Variants in GPC5 observed in about 807,000 individuals in gnomAD.
GPC5 encodes glypican 5.
A neutral mutation model predicts 53.9 loss-of-function variants in GPC5; 47 were observed. The observed-to-expected ratio is 0.87, with a 90% CI of 0.69 to 1.11. The LOEUF (loss-of-function observed/expected upper bound fraction) is 1.11. Among genes scored for constraint, GPC5 ranks in the 50% most tolerant of loss-of-function variants. GPC5 has a pLI of 0.00. For synonymous variants in GPC5, 286 were observed against 263.3 expected (o/e 1.09, Z -0.84); for missense variants, 748 against 713.1 (o/e 1.05, Z -0.56).
chr13:92,614,114 C>T (rs1884599834), intron 7 of GPC5, among the ~76,000 whole-genome samples: 1 of 152,092 alleles, frequency 6.6e-6, no homozygotes, highest in South Asian at 2.1e-4. Context: ...TGAATCTCCA[C>T]CCTATCAACT....
At chr13:92,028,145 C>T (rs778553515) in intron 6 of GPC5, among the ~76,000 whole-genome samples, 8 of 152,008 alleles carry the variant, frequency 5.3e-5, no homozygotes, top group East Asian at 3.9e-4. Flanking sequence ...ATTTCAAAAC[C>T]GAACATTATA....
intron 7 of GPC5, among the ~76,000 whole-genome samples, chr13:92,524,321 G>T (rs529937657): frequency 6.6e-6 from 1 of 152,092 alleles, no homozygotes; most frequent in East Asian, 1.9e-4. Context: ...CACTTTCTTT[G>T]TTCATCTCTA....
chr13:91,435,593 T>C (rs965360739), intron 1 of GPC5, among the ~76,000 whole-genome samples: 3 of 152,202 alleles, frequency 2.0e-5, no homozygotes, highest in African/African-American at 7.2e-5. Flanking sequence ...TTTGCCAGTA[T>C]TTTATTGAGG....
At chr13:92,072,786 G>T (rs146655253) in intron 6 of GPC5, among the ~76,000 whole-genome samples, 1 of 151,466 alleles carries the variant, frequency 6.6e-6, no homozygotes, top group African/African-American at 2.4e-5. Context: ...GGCCAGGCTG[G>T]TCTTGAATTC....
chr13:92,527,676 C>A (rs1881415216), intron 7 of GPC5, among the ~76,000 whole-genome samples: 1 of 152,108 alleles, frequency 6.6e-6, no homozygotes. Context: ...GCTGCTATCT[C>A]AATATCAGTA....
At chr13:91,892,385 T>G (rs1055997146) in intron 5 of GPC5, among the ~76,000 whole-genome samples, 1 of 151,794 alleles carries the variant, frequency 6.6e-6, no homozygotes, top group Non-Finnish European at 1.5e-5. Context: ...TTCCAAATTT[T>G]TATTTAGAAA....
intron 2 of GPC5, among the ~76,000 whole-genome samples, chr13:91,495,321 T>G (rs889723467): frequency 1.3e-5 from 2 of 152,220 alleles, no homozygotes; most frequent in Non-Finnish European, 2.9e-5. Context: ...TTTCTGTCCT[T>G]GCCTCTGCAG....
chr13:92,497,213 T>A (rs557777900), intron 7 of GPC5, among the ~76,000 whole-genome samples: 1 of 152,330 alleles, frequency 6.6e-6, no homozygotes, highest in South Asian at 2.1e-4. Flanking sequence ...GCCTGGGTTT[T>A]CTTCTAGGGT....
intron 7 of GPC5, among the ~76,000 whole-genome samples, chr13:92,542,906 T>G (rs1881975920): frequency 6.6e-6 from 1 of 152,070 alleles, no homozygotes; most frequent in Non-Finnish European, 1.5e-5. Context: ...CTTGCTGTTT[T>G]TAGAATTCTC....
rs939624207 is a variant in GPC5, at chr13:92,369,035, A to G, written c.1561+224046A>G. Among the ~76,000 whole-genome samples the G allele has an allele frequency of 5.3e-5, 8 of 152,220 alleles. No individual in the cohort carries two copies. In the South Asian group the frequency reaches 1.2e-3, roughly 24 times the overall value. On this transcript the variant is annotated intron_variant, in intron 7 of 7. Transcript: ENST00000377067. ...GTCAAGGTAATGTTTGGATGTATTC[A>G]TTCACAAAAGAAATTCGTTCACAAT...
At chr13:91,500,561 C>T (rs555450797) in intron 2 of GPC5, among the ~76,000 whole-genome samples, 3 of 152,138 alleles carry the variant, frequency 2.0e-5, no homozygotes, top group Non-Finnish European at 4.4e-5. Context: ...TTTTGTGTAG[C>T]TCATTTCCTG....
intron 7 of GPC5, among the ~76,000 whole-genome samples, chr13:92,604,018 C>T (rs555495583): frequency 8.2e-4 from 124 of 152,144 alleles, no homozygotes; most frequent in African/African-American, 2.8e-3. Flanking sequence ...CCTACGTGCT[C>T]AAAAAGAAGA....
intron 7 of GPC5, among the ~76,000 whole-genome samples, chr13:92,562,864 C>A (rs551063377): frequency 6.6e-6 from 1 of 151,998 alleles, no homozygotes; most frequent in East Asian, 1.9e-4. Context: ...CTGGTGATTG[C>A]TTTTTTTGTG....
At chr13:91,845,120 A>T (rs992808455) in intron 5 of GPC5, among the ~76,000 whole-genome samples, 1 of 152,174 alleles carries the variant, frequency 6.6e-6, no homozygotes, top group Non-Finnish European at 1.5e-5. Context: ...GAATGCTAGT[A>T]ATAAGCTCAT....
chr13:91,630,914 A>G (rs2034142104), intron 2 of GPC5, among the ~76,000 whole-genome samples: 1 of 152,128 alleles, frequency 6.6e-6, no homozygotes, highest in Non-Finnish European at 1.5e-5. Flanking sequence ...CTGACATTTT[A>G]CAGCTTTATT....
intron 6 of GPC5, among the ~76,000 whole-genome samples, chr13:92,089,459 C>G (rs1168133434): frequency 1.3e-5 from 2 of 151,836 alleles, no homozygotes; most frequent in Non-Finnish European, 2.9e-5. Flanking sequence ...TAAGCAAACC[C>G]AGAATTGGTT....
chr13:91,824,561 C>T (rs922273831), intron 5 of GPC5, among the ~76,000 whole-genome samples: 1 of 152,020 alleles, frequency 6.6e-6, no homozygotes, highest in African/African-American at 2.4e-5. Context: ...AGTTTTTCAG[C>T]TTTAGTCTCT....
intron 5 of GPC5, among the ~76,000 whole-genome samples, chr13:91,769,516 G>A (rs1436361922): frequency 2.0e-5 from 3 of 152,070 alleles, no homozygotes; most frequent in African/African-American, 7.2e-5. Context: ...CCTTCTCTGG[G>A]GAAATCACAT....
chr13:92,126,300 T>C (rs1027267087), intron 6 of GPC5, among the ~76,000 whole-genome samples: 11 of 152,310 alleles, frequency 7.2e-5, no homozygotes, highest in African/African-American at 2.2e-4. Flanking sequence ...TTTCACTAGA[T>C]TGCAGGTGTA....
Sources: allele counts gnomAD v4.1 joint callset (sites outside exome capture counted in the v4.1 genomes callset), GRCh38; gene constraint gnomAD v4.1.1; transcripts MANE v1.5; gene names NCBI Gene and HGNC (gene_info 2026-07-23, HGNC 2026-07-21).